SGCZ: variants seen among roughly 807,000 people sequenced by gnomAD.
SGCZ encodes the protein zeta-sarcoglycan.
Under a neutral mutation model 41.3 loss-of-function variants are expected in SGCZ, and 40 were observed. That is an observed-to-expected ratio of 0.97 (90% confidence interval 0.75 to 1.26). The LOEUF (loss-of-function observed/expected upper bound fraction) is 1.26. SGCZ is among the 50% of genes most tolerant of loss of function. SGCZ has a pLI of 0.00. For missense variants in SGCZ, 552 were observed against 369.8 expected, an observed-to-expected ratio of 1.49 and a Z score of -4.04; for synonymous variants, 206 against 137.5, an observed-to-expected ratio of 1.50 and a Z score of -3.49.
chr8:14,666,131 T>C (rs1398477058), intron 1 of SGCZ, among the ~76,000 whole-genome samples: 1 of 152,178 alleles, frequency 6.6e-6, no homozygotes, highest in Non-Finnish European at 1.5e-5. Flanking sequence ...CTGTTTCTGA[T>C]GTTTTTGCCA....
chr8:14,426,947 C>G (rs1799799189), intron 2 of SGCZ, among the ~76,000 whole-genome samples: 1 of 152,050 alleles, frequency 6.6e-6, no homozygotes, highest in South Asian at 2.1e-4. Context: ...TATTATTTTA[C>G]TGGGCAGTCA....
At chr8:14,111,780 C>T (rs1405911088) in intron 5 of SGCZ, among the ~76,000 whole-genome samples, 1 of 152,138 alleles carries the variant, frequency 6.6e-6, no homozygotes, top group African/African-American at 2.4e-5. Context: ...ATAAGGATGG[C>T]ATATTCTGCT....
chr8:15,156,908 G>A (rs1199874408), intron 1 of SGCZ, among the ~76,000 whole-genome samples: 4 of 145,748 alleles, frequency 2.7e-5, no homozygotes, highest in African/African-American at 5.2e-5. Flanking sequence ...ATGCAGCATC[G>A]CACTCCGCCT....
Position 14,625,514 on chromosome 8 carries a change from A to G in SGCZ, c.40-70588T>C, listed in dbSNP as rs967829828. ...CTAGACTATATGGAAGGGAAAATACAGCTGAGATTTCATACCTAGAGGACA... is the reference window on the plus strand; with the variant it reads ...CTAGACTATATGGAAGGGAAAATACGGCTGAGATTTCATACCTAGAGGACA... On this transcript the variant is annotated intron_variant, in intron 1 of 7. Coordinates refer to ENST00000382080, the MANE Select transcript of SGCZ (RefSeq NM_139167.4). Among the ~76,000 whole-genome samples the G allele has an allele frequency of 2.2e-4, 33 of 152,226 alleles. 1 individual carries two copies. The highest frequency in any genetic ancestry group is 7.3e-5 in the Non-Finnish European group (5 of 68,042).
intron 3 of SGCZ, among the ~76,000 whole-genome samples, chr8:14,282,815 A>G (rs1800490378): frequency 7.4e-6 from 1 of 135,074 alleles, no homozygotes; most frequent in South Asian, 2.4e-4. Flanking sequence ...TTGTTTTTCT[A>G]GTTAATCATT....
At chr8:14,517,144 C>G (rs763108179) in intron 2 of SGCZ, among the ~76,000 whole-genome samples, 1 of 151,956 alleles carries the variant, frequency 6.6e-6, no homozygotes, top group African/African-American at 2.4e-5. Flanking sequence ...TAAGTCCTGC[C>G]TTCAGATCAT....
intron 1 of SGCZ, among the ~76,000 whole-genome samples, chr8:14,603,950 C>A (rs1299732854): frequency 6.6e-6 from 1 of 151,922 alleles, no homozygotes; most frequent in Non-Finnish European, 1.5e-5. Context: ...GATTCCATAG[C>A]GACATATCTC....
At chr8:14,404,062 T>C (rs1218086109) in intron 2 of SGCZ, among the ~76,000 whole-genome samples, 1 of 151,996 alleles carries the variant, frequency 6.6e-6, no homozygotes, top group African/African-American at 2.4e-5. Flanking sequence ...CTTACCTGAG[T>C]ATCACGAAAA....
At chr8:14,105,165 C>T (rs1802164335) in intron 6 of SGCZ, among the ~76,000 whole-genome samples, 1 of 151,924 alleles carries the variant, frequency 6.6e-6, no homozygotes, top group South Asian at 2.1e-4. Flanking sequence ...AAAACAGTAT[C>T]ATCTTATCTA....
At chr8:14,164,515 C>A (rs900693183) in intron 5 of SGCZ, 65 bp downstream of exon 5, 33 of 1,584,072 alleles carry the variant, frequency 2.1e-5, no homozygotes, top group Non-Finnish European at 2.4e-5. Context: ...TATTAAGAAG[C>A]TCCTTGTGCA....
intron 5 of SGCZ, among the ~76,000 whole-genome samples, chr8:14,137,835 C>G (rs1803248633): frequency 6.6e-6 from 1 of 152,098 alleles, no homozygotes; most frequent in Admixed American, 6.5e-5. Context: ...GAGAACGCCA[C>G]AAAGATACTC....
In SGCZ at chr8:14,674,928, G is replaced by GCTTTTT. The variant is rs1554478141; in HGVS notation, c.40-120003_40-120002insAAAAAG. 9.3e-4 allele frequency among the ~76,000 whole-genome samples: 66 copies of GCTTTTT among 71,002 alleles called. 11 individuals carry two copies. Among genetic ancestry groups the GCTTTTT allele is most frequent in the African/African-American group, 2.5e-3 (49 of 19,694 alleles). The allele number at this position is 71,002 out of a possible 152,430, so 46.6% of individuals were successfully genotyped here. On this transcript the variant is annotated intron_variant, in intron 1 of 7. Coordinates refer to ENST00000382080, the MANE Select transcript of SGCZ (RefSeq NM_139167.4). ...GCCAATTTAACCTCTTTTCTTTTCT[G>GCTTTTT]TTTTTTTTTTTTTTTTTTTTTTTTT...
chr8:14,708,812 A>AGAGTGT lies in SGCZ; in HGVS notation c.40-153887_40-153886insACACTC, dbSNP rs1554485097. On this transcript the variant is annotated intron_variant, in intron 1 of 7. Transcript: ENST00000382080. ...CACACTTGGAATGATGTTTTATTCGAGTGTGTGTGTGTGTGTGTGTGTGTG... is the reference window on the plus strand; with the variant it reads ...CACACTTGGAATGATGTTTTATTCGAGAGTGTGTGTGTGTGTGTGTGTGTGTGTGTG... Among the ~76,000 whole-genome samples the AGAGTGT allele has an allele frequency of 4.0e-5, 6 of 148,694 alleles. No individual in the cohort carries two copies. The East Asian group carries it at 8.0e-4, about 20-fold the overall frequency.
chr8:14,486,740 T>G (rs1801687320), intron 2 of SGCZ, among the ~76,000 whole-genome samples: 1 of 152,122 alleles, frequency 6.6e-6, no homozygotes, highest in Admixed American at 6.5e-5. Flanking sequence ...ACCCAGCTAA[T>G]TTACTCCTGG....
intron 2 of SGCZ, among the ~76,000 whole-genome samples, chr8:14,437,494 C>G (rs888266791): frequency 6.6e-6 from 1 of 151,966 alleles, no homozygotes; most frequent in Non-Finnish European, 1.5e-5. Flanking sequence ...CAGTAACGTT[C>G]TTCTGAGTCA....
chr8:14,833,391 G>A (rs75240570), intron 1 of SGCZ, among the ~76,000 whole-genome samples: 3 of 152,230 alleles, frequency 2.0e-5, no homozygotes, highest in South Asian at 4.1e-4. Context: ...CAAACATACA[G>A]ATCTGTGAGT....
At chr8:15,136,881 A>AC (rs1383913695) in intron 1 of SGCZ, among the ~76,000 whole-genome samples, 1 of 152,180 alleles carries the variant, frequency 6.6e-6, no homozygotes, top group Non-Finnish European at 1.5e-5. Context: ...ATATAAGGGT[A>AC]CTGGAAAATG....
rs556750075 is a variant in SGCZ at position 15,238,250 on chromosome 8, A to C, written c.-627T>G. 2.6e-5 allele frequency: 4 copies of C among 152,414 alleles called. No individual in the cohort carries two copies. The highest frequency in any genetic ancestry group is 9.6e-5 in the African/African-American group (4 of 41,592). 9.4% of individuals were successfully genotyped at this position (152,414 alleles called of 1,614,324 possible). ...GGGAAAAGAAGATAATCAAGTCAGA[A>C]GGGAACGTTCTCCTTTGAAGGTTAT... On this transcript the variant is annotated 5_prime_UTR_variant, in exon 1 of 8. Transcript: ENST00000382080.
At chr8:14,891,693 G>T (rs767335453) in intron 1 of SGCZ, among the ~76,000 whole-genome samples, 4 of 152,172 alleles carry the variant, frequency 2.6e-5, no homozygotes, top group Non-Finnish European at 5.9e-5. Context: ...TGAGCAAAAT[G>T]CTATCAAACG....
Sources: allele counts gnomAD v4.1 joint callset (sites outside exome capture counted in the v4.1 genomes callset), GRCh38; gene constraint gnomAD v4.1.1; transcripts MANE v1.5; gene names NCBI Gene and HGNC (gene_info 2026-07-23, HGNC 2026-07-21).